The following NF1 variants were observed in gnomAD, a reference collection of about 807,000 sequenced individuals.
NF1 encodes the protein neurofibromin.
In NF1, 122 loss-of-function variants were observed where a neutral mutation model predicts 325.7. The observed-to-expected ratio is 0.37, with a 90% CI of 0.32 to 0.44. NF1 has a LOEUF of 0.44. NF1 is among the 20% of genes least tolerant of loss of function. NF1 has a pLI of 1.00. For synonymous variants in NF1, 1,091 were observed against 1,186.0 expected, an observed-to-expected ratio of 0.92 and a Z score of 1.65; for missense variants, 2,140 against 3,415.4, an observed-to-expected ratio of 0.63 and a Z score of 9.31.
At position 31,206,371 on chromosome 17, in the gene NF1, G is replaced by T. The variant is rs201604273; in HGVS notation, c.1392G>T (p.Pro464=). 8.7e-6 allele frequency: 14 copies of T among 1,613,452 alleles called. No individual in the cohort carries two copies. The highest frequency in any genetic ancestry group is 1.2e-5 in the Non-Finnish European group (14 of 1,179,548). ...CACACCCAGCAATACGAATGGCACC[G>T]GTAAGATAAATCACGAATTTTGAAT... ...CGAHPAIRMA[P]SLTFKEKVTS... The change falls in exon 12 of 58, where the codon CCG becomes CCT. Residue 464 remains proline, a splice_region_variant and synonymous_variant. Coordinates refer to ENST00000358273, the MANE Select transcript of NF1 (RefSeq NM_001042492.3).
At chr17:31,247,062 G>A (rs950921868) in intron 29 of NF1, among the ~76,000 whole-genome samples, 2 of 152,058 alleles carry the variant, frequency 1.3e-5, no homozygotes, top group African/African-American at 4.8e-5. Flanking sequence ...GGGCGTGGTG[G>A]TGGTGCGCCT....
intron 1 of NF1, among the ~76,000 whole-genome samples, chr17:31,155,433 G>GT (rs1186531858): frequency 6.6e-6 from 1 of 152,088 alleles, no homozygotes; most frequent in Non-Finnish European, 1.5e-5. Flanking sequence ...GAGTCTTACT[G>GT]TTTTTTCCCC....
intron 12 of NF1, among the ~76,000 whole-genome samples, chr17:31,208,148 C>T (rs1487539696): frequency 6.6e-6 from 1 of 152,070 alleles, no homozygotes; most frequent in African/African-American, 2.4e-5. Context: ...GAGAGGATTT[C>T]CTCTTTTGGC....
intron 52 of NF1, 126 bp downstream of exon 52, chr17:31,356,708 A>G: frequency 1.2e-5 from 16 of 1,379,112 alleles, no homozygotes; most frequent in Non-Finnish European, 1.6e-5. Flanking sequence ...GCCATTTCTC[A>G]AAAGATAAAC....
Position 31,226,474 on chromosome 17 carries a change from C to T in NF1, c.2041C>T (p.Arg681Ter), listed in dbSNP as rs768638173. ...AGCSGTPPIC[R>*]QAQTKLEVAL... is the part of the protein sequence containing the mutation. ...ATGCAGCGGAACCCCCCCGATTTGC[C>T]GACAAGCCCAGACCAAACTAGAAGT... The change falls in exon 18 of 58, where the codon CGA (arginine) becomes TGA (stop). Residue 681 changes from arginine to a stop codon, truncating the protein, a stop_gained. Transcript: ENST00000358273. LOFTEE classifies it high-confidence loss of function. The T allele has an allele frequency of 2.5e-6, 4 of 1,613,672 alleles. No individual in the cohort carries two copies. The highest frequency in any genetic ancestry group is 1.3e-5 in the African/African-American group (1 of 74,876).
At chr17:31,122,385 G>A (rs1483648299) in intron 1 of NF1, among the ~76,000 whole-genome samples, 1 of 152,176 alleles carries the variant, frequency 6.6e-6, no homozygotes, top group Admixed American at 6.5e-5. Context: ...GGGGAAAATT[G>A]TTTTCAGTTA....
At chr17:31,304,569 C>T (rs2068656819) in intron 36 of NF1, 1 of 1,614,104 alleles carries the variant, frequency 6.2e-7, no homozygotes, top group South Asian at 1.1e-5. Context: ...CCTGTCCTTC[C>T]AAATCCAGAA....
At chr17:31,266,757 A>C (rs1425372022) in intron 36 of NF1, among the ~76,000 whole-genome samples, 3 of 151,244 alleles carry the variant, frequency 2.0e-5, no homozygotes, top group Non-Finnish European at 4.4e-5. Flanking sequence ...TCGGAATCAG[A>C]AACTGTTATA....
At chr17:31,286,966 T>C (rs1263350431) in intron 36 of NF1, among the ~76,000 whole-genome samples, 2 of 152,248 alleles carry the variant, frequency 1.3e-5, no homozygotes, top group Admixed American at 6.5e-5. Flanking sequence ...ACTGTGACTA[T>C]GAGCAACAAA....
intron 46 of NF1, chr17:31,340,181 A>G (rs969558771): frequency 1.5e-5 from 5 of 340,358 alleles, no homozygotes; most frequent in Non-Finnish European, 2.2e-5. Context: ...GCATGTGGTA[A>G]TGTCATTAGC....
rs587781725 is a variant in NF1 at position 31,232,779 on chromosome 17, C to T, written c.3394C>T (p.Arg1132Cys). The part of the protein sequence containing the change: ...DESAQTGGRK[R>C]GMSRRLASLR... ...AAGTGCGCAAACAGGTGGCAGGAAA[C>T]GTGGCATGTCTCGGAGGCTGGCATC... Residue 1132 changes from arginine to cysteine, a missense_variant, in exon 26 of 58, where the codon CGT becomes TGT. Around this residue, in one of 10 missense-constraint regions of NF1, gnomAD observed 380 missense variants for 639.3 expected, o/e 0.59. Transcript: ENST00000358273. 9.3e-6 allele frequency: 15 copies of T among 1,613,634 alleles called. No homozygotes were observed. Among genetic ancestry groups the T allele is most frequent in the Non-Finnish European group, 1.0e-5 (12 of 1,179,926 alleles).
intron 36 of NF1, among the ~76,000 whole-genome samples, chr17:31,298,165 T>C (rs1303152749): frequency 6.6e-6 from 1 of 152,098 alleles, no homozygotes; most frequent in South Asian, 2.1e-4. Context: ...TCTGGGAAAG[T>C]AGTTTATAGT....
intron 12 of NF1, among the ~76,000 whole-genome samples, chr17:31,211,474 A>T (rs1963273991): frequency 6.6e-6 from 1 of 152,234 alleles, no homozygotes. Context: ...ATATAGTCAT[A>T]CATCACTTAA....
At chr17:31,324,174 C>A (rs2069284902) in intron 36 of NF1, among the ~76,000 whole-genome samples, 1 of 152,106 alleles carries the variant, frequency 6.6e-6, no homozygotes, top group African/African-American at 2.4e-5. Flanking sequence ...TCAAGCAATT[C>A]TCCTGCCTCA....
intron 1 of NF1, among the ~76,000 whole-genome samples, chr17:31,132,315 A>T (rs1312094671): frequency 7.2e-5 from 11 of 152,082 alleles, no homozygotes; most frequent in Non-Finnish European, 1.6e-4. Flanking sequence ...GCTGAGGTAG[A>T]TGGATCACTT....
At chr17:31,308,537 A>C (rs2068788887) in intron 36 of NF1, among the ~76,000 whole-genome samples, 1 of 152,174 alleles carries the variant, frequency 6.6e-6, no homozygotes, top group African/African-American at 2.4e-5. Context: ...TATCCAGCCA[A>C]ATGCATCCCT....
chr17:31,206,155 A>G, intron 11 of NF1, 85 bp from the exon 12 acceptor site: 2 of 1,511,882 alleles, frequency 1.3e-6, no homozygotes, highest in Non-Finnish European at 1.8e-6. Context: ...CAAAAGGATA[A>G]AACTTAAAAC....
chr17:31,110,129 C>T (rs1401130733), intron 1 of NF1, among the ~76,000 whole-genome samples: 1 of 152,056 alleles, frequency 6.6e-6, no homozygotes, highest in Non-Finnish European at 1.5e-5. Flanking sequence ...TTGTAAACCA[C>T]TGCTGTGTGA....
At chr17:31,234,071 C>T (rs1299063582) in intron 27 of NF1, among the ~76,000 whole-genome samples, 1 of 152,180 alleles carries the variant, frequency 6.6e-6, no homozygotes, top group African/African-American at 2.4e-5. Context: ...CTGCCACCAC[C>T]TGAAATGCTT....
Sources: gnomAD v4.1 joint callset for allele counts (sites outside exome capture counted in the v4.1 genomes callset) on GRCh38, gnomAD v4.1.1 for gene constraint, gnomAD v4.1.1 regional missense constraint, MANE v1.5 for transcripts, NCBI Gene and HGNC (gene_info 2026-07-23, HGNC 2026-07-21) for gene names.